The following PUS3 variants were observed in gnomAD, a reference collection of about 807,000 sequenced individuals.
PUS3 encodes pseudouridine synthase 3.
PUS3 carries 36 observed loss-of-function variants against 43.3 expected under a neutral mutation model. That is an observed-to-expected ratio of 0.83 (90% CI 0.64 to 1.10). PUS3 has a LOEUF of 1.10. Among genes scored for constraint, PUS3 ranks in the 50% least tolerant of loss-of-function variants. The probability of loss-of-function intolerance (pLI) is 0.00; values close to 1 mark genes in which losing one functional copy is unlikely to be tolerated. For synonymous variants in PUS3, 183 were observed against 199.2 expected, an observed-to-expected ratio of 0.92 and a Z score of 0.69; for missense variants, 544 against 589.9, an observed-to-expected ratio of 0.92 and a Z score of 0.81.
At chr11:125,900,623 C>A (rs968000789) in intron 1 of PUS3, 1 of 271,998 alleles carries the variant, frequency 3.7e-6, no homozygotes. Context: ...TTACACTTAC[C>A]AATTAAAGAA....
intron 1 of PUS3, chr11:125,899,081 A>G (rs890278704): frequency 1.0e-5 from 4 of 381,438 alleles, no homozygotes; most frequent in Non-Finnish European, 1.4e-5. Flanking sequence ...TTCTTATGCC[A>G]GAACTATACT....
intron 3 of PUS3, 71 bp downstream of exon 3, chr11:125,895,153 T>C: frequency 7.7e-7 from 1 of 1,291,880 alleles, no homozygotes; most frequent in Non-Finnish European, 1.1e-6. Context: ...TTCAAGCAAT[T>C]CTTGTGCCTC....
At chr11:125,902,074 C>T (rs1325047333) in intron 1 of PUS3, among the ~76,000 whole-genome samples, 1 of 152,092 alleles carries the variant, frequency 6.6e-6, no homozygotes, top group East Asian at 1.9e-4. Context: ...AGAACTAGGC[C>T]AGGGAGTGAG....
rs749837123 is a variant in PUS3 at position 125,894,029 on chromosome 11, G to A, written c.1202C>T (p.Ala401Val). The change falls in exon 4 of 4, where the codon GCC becomes GTC. Residue 401 changes from alanine (A) to valine (V), a missense_variant. Coordinates refer to ENST00000227474, the MANE Select transcript of PUS3 (RefSeq NM_031307.4). Reference sequence around the variant, plus strand: ...GCGCATCTTCACTCCTTCTACAAAGGCACTGGTCTGCTTTATGACAGAGGG... The same window carrying A: ...GCGCATCTTCACTCCTTCTACAAAGACACTGGTCTGCTTTATGACAGAGGG... ...VKPSVIKQTS[A>V]FVEGVKMRTY... 3.7e-6 allele frequency: 6 copies of A among 1,614,136 alleles called. No individual in the cohort carries two copies. In the South Asian group the frequency reaches 5.5e-5, roughly 15 times the overall value.
chr11:125,899,139 A>G, intron 1 of PUS3: 1 of 537,164 alleles, frequency 1.9e-6, no homozygotes, highest in Non-Finnish European at 3.3e-6. Flanking sequence ...AAGCAGGAGT[A>G]AGAGTGGAAA....
chr11:125,898,195 T>C (rs1441408124), intron 1 of PUS3, among the ~76,000 whole-genome samples: 1 of 152,158 alleles, frequency 6.6e-6, no homozygotes. Flanking sequence ...AATCCTTGCT[T>C]AAAATTATCA....
chr11:125,898,800 T>G (rs1264869626), intron 1 of PUS3, among the ~76,000 whole-genome samples: 2 of 152,092 alleles, frequency 1.3e-5, no homozygotes, highest in East Asian at 3.9e-4. Context: ...TCTTTTATGG[T>G]TAAAAGCAGG....
intron 1 of PUS3, chr11:125,899,692 A>G (rs1944702886): frequency 1.2e-6 from 2 of 1,614,228 alleles, no homozygotes; most frequent in Non-Finnish European, 1.7e-6. Context: ...GGGAAGTATT[A>G]GTAACAGATG....
chr11:125,897,459 G>C (rs1944621470), intron 1 of PUS3, among the ~76,000 whole-genome samples: 1 of 151,062 alleles, frequency 6.6e-6, no homozygotes, highest in East Asian at 1.9e-4. Context: ...AATAAGTGAT[G>C]GTAAAGTGCG....
At chr11:125,900,310 A>C in intron 1 of PUS3, 1 of 1,569,036 alleles carries the variant, frequency 6.4e-7, no homozygotes. Context: ...GAGATAACCT[A>C]GCTCTTTATA....
At position 125,893,765 on chromosome 11, in the gene PUS3, T is replaced by A; in HGVS notation, c.*20A>T. On this transcript the variant is annotated 3_prime_UTR_variant, in exon 4 of 4. Coordinates refer to ENST00000227474, the MANE Select transcript of PUS3 (RefSeq NM_031307.4). Reference sequence around the variant, plus strand: ...CACCTACCATTAGGTGGTTCCTAGATCCTGGCAAATTGTCTATGGTTAAAT... The same window carrying A: ...CACCTACCATTAGGTGGTTCCTAGAACCTGGCAAATTGTCTATGGTTAAAT... 6.3e-7 allele frequency: 1 copy of A among 1,574,816 alleles called. No homozygotes were observed. The highest frequency in any genetic ancestry group is 8.6e-7 in the Non-Finnish European group (1 of 1,159,746).
rs766219892 is a variant in PUS3, at chr11:125,895,705, C to T, written c.463G>A (p.Ala155Thr). 5.6e-6 allele frequency: 9 copies of T among 1,613,918 alleles called. No individual in the cohort carries two copies. The highest frequency in any genetic ancestry group is 4.5e-5 in the East Asian group (2 of 44,896). The stretch of plus-strand genomic sequence containing the variant: ...ATGTGGGTATAACGGATCTCTTCAG[C>T]AGCAGCATTAGCCTCCTCTTTTACA... Reference protein sequence around the residue: ...FNVKEEANAAAEEIRYTHILN... With the variant: ...FNVKEEANAATEEIRYTHILN... The change falls in exon 3 of 4, where the codon GCT becomes ACT. Residue 155 changes from alanine to threonine, a missense_variant. Transcript: ENST00000227474.
At chr11:125,899,480 G>C in intron 1 of PUS3, 3 of 1,614,208 alleles carry the variant, frequency 1.9e-6, no homozygotes, top group Non-Finnish European at 2.5e-6. Flanking sequence ...GGGTGAAGGA[G>C]ATGTCAGGAG....
rs1944495315 is a variant in PUS3, at chr11:125,893,991, G to A, written c.1240C>T (p.Leu414Phe). 1.2e-6 allele frequency: 2 copies of A among 1,614,152 alleles called. No homozygotes were observed. The highest frequency in any genetic ancestry group is 3.3e-4 in the Middle Eastern group (2 of 6,062). Reference sequence around the variant, plus strand: ...CCTTGGCATTTAGGACGGTCCATGAGGGGCTTATATGTGCGCATCTTCACT... The same window carrying A: ...CCTTGGCATTTAGGACGGTCCATGAAGGGCTTATATGTGCGCATCTTCACT... ...EGVKMRTYKP[L>F]MDRPKCQGLE... Residue 414 changes from leucine (L) to phenylalanine (F), a missense_variant, in exon 4 of 4, where the codon CTC (leucine) becomes TTC (phenylalanine). Transcript: ENST00000227474.
chr11:125,898,326 T>C (rs1035663695), intron 1 of PUS3, among the ~76,000 whole-genome samples: 1 of 152,202 alleles, frequency 6.6e-6, no homozygotes, highest in Non-Finnish European at 1.5e-5. Context: ...GGCTGATTGA[T>C]GTGGATACCA....
At chr11:125,902,376 C>CGG (rs552311756) in intron 1 of PUS3, among the ~76,000 whole-genome samples, 1 of 9,424 alleles carries the variant, frequency 1.1e-4, no homozygotes, top group African/African-American at 4.0e-4. Context: ...GGGGTGGTGG[C>CGG]GGGGGGGAGG....
chr11:125,899,582 C>T (rs1198994646), intron 1 of PUS3: 1 of 1,614,062 alleles, frequency 6.2e-7, no homozygotes, highest in South Asian at 1.1e-5. Flanking sequence ...ACAGTACCCA[C>T]ATGTAGAAAG....
chr11:125,895,460 A>AT lies in PUS3; in HGVS notation c.707dup (p.Asn236LysfsTer20). On this transcript the variant is annotated frameshift_variant, in exon 3 of 4. Coordinates refer to ENST00000227474, the MANE Select transcript of PUS3 (RefSeq NM_031307.4). LOFTEE classifies it high-confidence loss of function. ...GAGCAGATAGAATAGTCCTCTGAAA[A>AT]TTAATCACACCGTTGGCTACATCCA... The AT allele has an allele frequency of 1.9e-6, 3 of 1,614,158 alleles. No homozygotes were observed. The highest frequency in any genetic ancestry group is 2.5e-6 in the Non-Finnish European group (3 of 1,180,020).
At chr11:125,898,703 T>G (rs1460860999) in intron 1 of PUS3, among the ~76,000 whole-genome samples, 3 of 151,804 alleles carry the variant, frequency 2.0e-5, no homozygotes, top group African/African-American at 7.3e-5. Context: ...AGCATAGAAA[T>G]TATATGTATG....
Sources: allele counts gnomAD v4.1 joint callset (sites outside exome capture counted in the v4.1 genomes callset), GRCh38; gene constraint gnomAD v4.1.1; transcripts MANE v1.5; gene names NCBI Gene and HGNC (gene_info 2026-07-23, HGNC 2026-07-21).